NAA16: variants seen among roughly 807,000 people sequenced by gnomAD.
NAA16 encodes the protein N-alpha-acetyltransferase 16, NatA auxiliary subunit, also known as NARG1-like protein.
In NAA16, 97 loss-of-function variants were observed where a neutral mutation model predicts 110.3. The ratio of observed to expected loss-of-function variants is 0.88; its 90% CI spans 0.75 to 1.04. The LOEUF (loss-of-function observed/expected upper bound fraction) is 1.04. Among genes scored for constraint, NAA16 ranks in the 50% least tolerant of loss-of-function variants. The pLI, the probability that NAA16 is intolerant of heterozygous loss-of-function variation, is 0.00. For synonymous variants in NAA16, 372 were observed against 330.6 expected (o/e 1.13, Z -1.36); for missense variants, 1,017 against 1,005.1 (o/e 1.01, Z -0.16).
chr13:41,320,635 C>T (rs1566243188), intron 3 of NAA16, 32 bp from the exon 4 acceptor site: 3 of 1,544,928 alleles, frequency 1.9e-6, no homozygotes, highest in Non-Finnish European at 2.6e-6. Flanking sequence ...ATTCTAGTGT[C>T]TGTGTATGTC....
At position 41,376,395 on chromosome 13, in the gene NAA16, T is replaced by A. The variant is rs80121894; in HGVS notation, c.*793T>A. On this transcript the variant is annotated 3_prime_UTR_variant, in exon 20 of 20. Coordinates refer to ENST00000379406, the MANE Select transcript of NAA16 (RefSeq NM_024561.5). ...GTTTACTATTTCCTTTTAGTATTCA[T>A]GAAAATGGTATTTTCTGGTTGAATA... 1 of 152,236 alleles carries A rather than the reference T, an allele frequency of 6.6e-6. No homozygotes were observed. The highest frequency in any genetic ancestry group is 1.5e-5 in the Non-Finnish European group (1 of 68,044). The allele number at this position is 152,236 out of a possible 1,614,324, so 9.4% of individuals were successfully genotyped here. A position where few individuals can be genotyped will look rare whatever the true frequency, so the allele number is the denominator to read the frequency against.
intron 4 of NAA16, 73 bp from the exon 5 acceptor site, chr13:41,322,983 G>T: frequency 7.6e-7 from 1 of 1,320,744 alleles, no homozygotes. Flanking sequence ...TGTGTTAAAG[G>T]TTAGATTGTT....
chr13:41,358,592 C>A (rs1298435265), intron 11 of NAA16, 119 bp downstream of exon 11: 7 of 1,477,966 alleles, frequency 4.7e-6, no homozygotes, highest in Non-Finnish European at 2.7e-6. Context: ...TTCTAATAAT[C>A]CTGTGTAGTT....
At chr13:41,371,075 C>T (rs192011020) in intron 15 of NAA16, among the ~76,000 whole-genome samples, 10 of 152,176 alleles carry the variant, frequency 6.6e-5, no homozygotes, top group Non-Finnish European at 1.0e-4. Flanking sequence ...TGGAGAATGG[C>T]GGTAAAGGGC....
Position 41,323,201 on chromosome 13 carries a change from T to C in NAA16, c.537+11T>C. On this transcript the variant is annotated intron_variant, in intron 5 of 19. Transcript: ENST00000379406. ...AGACAAACTCAGCAAGTAAGAATTTTAATGTTTCCTTCTACCTTCATAAAT... is the reference window on the plus strand; with the variant it reads ...AGACAAACTCAGCAAGTAAGAATTTCAATGTTTCCTTCTACCTTCATAAAT... The C allele has an allele frequency of 1.2e-6, 2 of 1,612,690 alleles. No individual in the cohort carries two copies. Among genetic ancestry groups the C allele is most frequent in the South Asian group, 2.2e-5 (2 of 90,936 alleles).
intron 12 of NAA16, among the ~76,000 whole-genome samples, chr13:41,359,977 A>T (rs957411087): frequency 5.3e-5 from 8 of 152,168 alleles, no homozygotes; most frequent in African/African-American, 1.9e-4. Context: ...TGAGGTGGGC[A>T]TGGTGGCATG....
At chr13:41,359,783 A>C (rs1038683869) in intron 12 of NAA16, among the ~76,000 whole-genome samples, 1 of 152,186 alleles carries the variant, frequency 6.6e-6, no homozygotes, top group African/African-American at 2.4e-5. Context: ...ATAATCTAAT[A>C]TAATAGAAAA....
At chr13:41,374,055 T>G (rs912057168) in intron 18 of NAA16, among the ~76,000 whole-genome samples, 1 of 152,066 alleles carries the variant, frequency 6.6e-6, no homozygotes, top group East Asian at 1.9e-4. Flanking sequence ...CAATATAATC[T>G]CAACTATGCA....
At chr13:41,341,467 A>C (rs1337591271) in intron 9 of NAA16, among the ~76,000 whole-genome samples, 1 of 152,206 alleles carries the variant, frequency 6.6e-6, no homozygotes, top group Non-Finnish European at 1.5e-5. Context: ...CCTGTAATCC[A>C]GCACTTTGGG....
At chr13:41,317,077 A>G in intron 2 of NAA16, 147 bp downstream of exon 2, 4 of 610,130 alleles carry the variant, frequency 6.6e-6, no homozygotes, top group South Asian at 2.0e-5. Flanking sequence ...AATGCTTTAT[A>G]TGAGTCTTCT....
Position 41,358,824 on chromosome 13 carries a change from CA to C in NAA16, c.1275del (p.Glu426LysfsTer32). On this transcript the variant is annotated frameshift_variant, in exon 12 of 20. Coordinates refer to ENST00000379406, the MANE Select transcript of NAA16 (RefSeq NM_024561.5). LOFTEE classifies it high-confidence loss of function. ...ATCTTTTATAGCATATAGGTAATCT[CA>C]AAGAAGCTGCAAAGTGGATGGATGA... ...AKIYKHIGNL[K>X]EAAKWMDEAQ... 1.2e-6 allele frequency: 2 copies of C among 1,601,600 alleles called. No individual in the cohort carries two copies. Among genetic ancestry groups the C allele is most frequent in the Non-Finnish European group, 1.7e-6 (2 of 1,172,178 alleles).
intron 13 of NAA16, 70 bp from the exon 14 acceptor site, chr13:41,367,368 AT>A (rs915506624): frequency 5.1e-4 from 520 of 1,024,956 alleles, no homozygotes; most frequent in African/African-American, 1.0e-3. Context: ...GCTTTTTACA[AT>A]TTTTTTTTTC....
chr13:41,316,863 G>A lies in NAA16; in HGVS notation c.72G>A (p.Lys24=). 1 of 1,612,590 alleles carries A rather than the reference G, an allele frequency of 6.2e-7. No individual in the cohort carries two copies. Among genetic ancestry groups the A allele is most frequent in the African/African-American group, 1.3e-5 (1 of 74,974 alleles). Residue 24 remains lysine (K), a synonymous_variant, in exon 2 of 20, where the codon AAG becomes AAA. Transcript: ENST00000379406. Reference sequence around the variant, plus strand: ...CTTTACAGAAATGTTATGAACAGAAGCAGTACAAAAATGGCCTCAAGTTTT... The same window carrying A: ...CTTTACAGAAATGTTATGAACAGAAACAGTACAAAAATGGCCTCAAGTTTT... ...FKRILKCYEQ[K]QYKNGLKFCK...
intron 5 of NAA16, among the ~76,000 whole-genome samples, chr13:41,324,363 C>CTTT (rs71086562): frequency 1.8e-4 from 12 of 66,090 alleles, no homozygotes; most frequent in Admixed American, 4.2e-4. Context: ...TTCTTTCTTT[C>CTTT]TTTTTTTTTT....
chr13:41,321,190 C>T (rs1170470518), intron 4 of NAA16, among the ~76,000 whole-genome samples: 3 of 152,008 alleles, frequency 2.0e-5, no homozygotes, highest in African/African-American at 7.3e-5. Context: ...CCCAGCTATC[C>T]AGGATGTTGA....
rs932013710 is a variant in NAA16, at chr13:41,350,191, G to A, written c.1015-4953G>A. 3.3e-5 allele frequency among the ~76,000 whole-genome samples: 5 copies of A among 151,404 alleles called. No individual in the cohort carries two copies. In the East Asian group the frequency reaches 7.8e-4, roughly 24 times the overall value. On this transcript the variant is annotated intron_variant, in intron 9 of 19. Coordinates refer to ENST00000379406, the MANE Select transcript of NAA16 (RefSeq NM_024561.5). Reference sequence around the variant, plus strand: ...GTGGGAGAACCACTTGAGCCTGGAAGGTTGAAGGCTGCAGTGAACTTAGAC... The same window carrying A: ...GTGGGAGAACCACTTGAGCCTGGAAAGTTGAAGGCTGCAGTGAACTTAGAC...
intron 9 of NAA16, among the ~76,000 whole-genome samples, chr13:41,341,742 C>T (rs2042552662): frequency 6.6e-6 from 1 of 152,032 alleles, no homozygotes; most frequent in African/African-American, 2.4e-5. Context: ...ACATCTCCTA[C>T]TTTTAGAGAA....
chr13:41,316,822 A>G (rs758036431), intron 1 of NAA16, 24 bp from the exon 2 acceptor site: 6 of 1,504,672 alleles, frequency 4.0e-6, no homozygotes, highest in Admixed American at 1.7e-5. Context: ...TGATAAAATA[A>G]CTTTTGTTCA....
chr13:41,337,787 A>T (rs74049151), intron 9 of NAA16, among the ~76,000 whole-genome samples: 1 of 152,156 alleles, frequency 6.6e-6, no homozygotes, highest in Non-Finnish European at 1.5e-5. Flanking sequence ...TTTAGCTTTG[A>T]TTCATAATAA....
Sources: allele counts gnomAD v4.1 joint callset (sites outside exome capture counted in the v4.1 genomes callset), GRCh38; gene constraint gnomAD v4.1.1; transcripts MANE v1.5; gene names NCBI Gene and HGNC (gene_info 2026-07-23, HGNC 2026-07-21).